C4orf51: variants seen among roughly 807,000 people sequenced by gnomAD.
C4orf51 encodes the protein chromosome 4 open reading frame 51.
In C4orf51, 25 loss-of-function variants were observed where a neutral mutation model predicts 25.2. The ratio of observed to expected loss-of-function variants is 0.99; its 90% confidence interval spans 0.72 to 1.39. C4orf51 has a LOEUF of 1.39. Among genes scored for constraint, C4orf51 ranks in the 40% most tolerant of loss-of-function variants. C4orf51 has a pLI of 0.00. For synonymous variants in C4orf51, 100 were observed against 84.5 expected (o/e 1.18, Z -1.01); for missense variants, 252 against 239.6 (o/e 1.05, Z -0.34).
intron 2 of C4orf51, among the ~76,000 whole-genome samples, chr4:145,702,803 C>T (rs886456516): frequency 6.6e-6 from 1 of 152,124 alleles, no homozygotes; most frequent in South Asian, 2.1e-4. Flanking sequence ...AAAGCCGTAT[C>T]CAGGCCATCA....
Position 145,680,393 on chromosome 4 carries a change from C to T in C4orf51, c.190C>T (p.Gln64Ter). The T allele has an allele frequency of 6.2e-7, 1 of 1,613,916 alleles. No individual in the cohort carries two copies. The highest frequency in any genetic ancestry group is 8.5e-7 in the Non-Finnish European group (1 of 1,179,834). ...KKQLDKSMCS[Q>*]FSFRAGQHEP... ...ACAACTGGACAAGTCCATGTGCAGC[C>T]AATTTTCTTTTAGAGCAGGACAGCA... The change falls in exon 1 of 6, where the codon CAA becomes TAA. Residue 64 changes from glutamine to a stop codon, truncating the protein, a stop_gained. Transcript: ENST00000438731. LOFTEE classifies it high-confidence loss of function.
downstream of C4orf51, chr4:145,775,840 C>T: frequency 6.2e-7 from 1 of 1,614,156 alleles, no homozygotes; most frequent in Non-Finnish European, 8.5e-7. Context: ...GGTGACGGCG[C>T]TGACAATGTC....
At chr4:145,741,004 G>A (rs1733066776) in intron 1 of C4orf51, among the ~76,000 whole-genome samples, 1 of 152,070 alleles carries the variant, frequency 6.6e-6, no homozygotes, top group East Asian at 1.9e-4. Flanking sequence ...CTGTCTCCAC[G>A]GCTGAAGTGG....
At chr4:145,698,982 G>A (rs936050997) in intron 2 of C4orf51, among the ~76,000 whole-genome samples, 10 of 151,694 alleles carry the variant, frequency 6.6e-5, no homozygotes, top group East Asian at 1.9e-4. Flanking sequence ...GTAAATGGCC[G>A]GTCCTTGCCT....
At chr4:145,684,621 T>G (rs1216982007) in intron 1 of C4orf51, among the ~76,000 whole-genome samples, 1 of 152,212 alleles carries the variant, frequency 6.6e-6, no homozygotes, top group Non-Finnish European at 1.5e-5. Flanking sequence ...TTGATGTGTC[T>G]GTGTAGGTTC....
At chr4:145,733,618 A>G (rs1249917889), downstream of C4orf51, among the ~76,000 whole-genome samples, 1 of 152,180 alleles carries the variant, frequency 6.6e-6, no homozygotes, top group African/African-American at 2.4e-5. Context: ...TTGAATAGAA[A>G]ATACAATTAA....
At chr4:145,757,248 T>G (rs1734016102), downstream of C4orf51, among the ~76,000 whole-genome samples, 2 of 152,238 alleles carry the variant, frequency 1.3e-5, no homozygotes, top group African/African-American at 4.8e-5. Context: ...CCAACTTCAT[T>G]AAGATAAATG....
In C4orf51 at chr4:145,707,284, C is replaced by T. The variant is rs552830900; in HGVS notation, c.307+10652C>T. ...ATAAAATCTCTTCTTTATAACCTTCCGTGCCTTTAGAACCTTTGAATTCAA... is the reference window on the plus strand; with the variant it reads ...ATAAAATCTCTTCTTTATAACCTTCTGTGCCTTTAGAACCTTTGAATTCAA... On this transcript the variant is annotated intron_variant, in intron 2 of 5. Coordinates refer to ENST00000438731, the MANE Select transcript of C4orf51 (RefSeq NM_001080531.3). Among the ~76,000 whole-genome samples the T allele has an allele frequency of 2.2e-4, 34 of 152,284 alleles. No homozygotes were observed. The South Asian group carries it at 3.7e-3, about 17-fold the overall frequency.
chr4:145,730,912 T>G (rs555655046), intron 5 of C4orf51, among the ~76,000 whole-genome samples: 3 of 152,340 alleles, frequency 2.0e-5, no homozygotes, highest in Admixed American at 1.3e-4. Flanking sequence ...TTAATGATGC[T>G]CTTCCAAAAA....
At chr4:145,690,022 T>C (rs1289814552) in intron 1 of C4orf51, among the ~76,000 whole-genome samples, 4 of 151,354 alleles carry the variant, frequency 2.6e-5, no homozygotes, top group East Asian at 2.0e-4. Context: ...CTTGCTAACA[T>C]GGTGAAACCC....
chr4:145,778,139 T>C, the C4orf51 span, among the ~76,000 whole-genome samples: 3 of 152,154 alleles, frequency 2.0e-5, no homozygotes, highest in Admixed American at 6.5e-5. Flanking sequence ...AAAAAACTTT[T>C]TGTTTTTTTT....
downstream of C4orf51, among the ~76,000 whole-genome samples, chr4:145,733,731 G>GTCTGATTCCCGGCAACCTTC: frequency 6.6e-6 from 1 of 152,258 alleles, no homozygotes; most frequent in East Asian, 1.9e-4. Flanking sequence ...GAGCCATCTG[G>GTCTGATTCCCGGCAACCTTC]TCTGATTCCC....
chr4:145,764,811 G>A (rs969074135), intron 1 of C4orf51: 1 of 780,750 alleles, frequency 1.3e-6, no homozygotes, highest in Non-Finnish European at 2.1e-6. Flanking sequence ...TGACACCCTA[G>A]GGGGACAGGT....
At chr4:145,718,962 A>G (rs1197433996) in intron 2 of C4orf51, among the ~76,000 whole-genome samples, 4 of 152,196 alleles carry the variant, frequency 2.6e-5, no homozygotes, top group African/African-American at 4.8e-5. Flanking sequence ...CACCTTTAAA[A>G]TAAGTTTTTC....
chr4:145,691,150 C>T (rs995655997), intron 1 of C4orf51, among the ~76,000 whole-genome samples: 1 of 152,090 alleles, frequency 6.6e-6, no homozygotes, highest in Admixed American at 6.6e-5. Context: ...ATAGACACTT[C>T]TCAAGAGAAA....
chr4:145,689,170 T>C (rs1463310178), intron 1 of C4orf51, among the ~76,000 whole-genome samples: 1 of 152,114 alleles, frequency 6.6e-6, no homozygotes. Context: ...AATGAAACCA[T>C]TAGATGACAA....
intron 2 of C4orf51, among the ~76,000 whole-genome samples, chr4:145,721,270 G>C (rs1400327741): frequency 6.6e-6 from 1 of 151,806 alleles, no homozygotes; most frequent in Non-Finnish European, 1.5e-5. Context: ...CCTTGAACCT[G>C]GGAGGTGGAG....
In C4orf51 at chr4:145,696,537, T is replaced by G. The variant is rs1730070982; in HGVS notation, c.234-22T>G. On this transcript the variant is annotated intron_variant, in intron 1 of 5. Transcript: ENST00000438731. Reference sequence around the variant, plus strand: ...ATAAATCCATAAATTTGTAACTTGTTTCTTCTACTTGCTTTCCTTAGGATG... The same window carrying G: ...ATAAATCCATAAATTTGTAACTTGTGTCTTCTACTTGCTTTCCTTAGGATG... The G allele has an allele frequency of 6.9e-6, 11 of 1,592,760 alleles. No individual in the cohort carries two copies. In the East Asian group the frequency reaches 2.5e-4, roughly 36 times the overall value.
chr4:145,738,894 G>A (rs911430749), intron 1 of C4orf51, among the ~76,000 whole-genome samples: 1 of 152,102 alleles, frequency 6.6e-6, no homozygotes, highest in Non-Finnish European at 1.5e-5. Flanking sequence ...GTCCACCTTG[G>A]CCTCCCAAAG....
Sources: gnomAD v4.1 joint callset for allele counts (sites outside exome capture counted in the v4.1 genomes callset) on GRCh38, gnomAD v4.1.1 for gene constraint, MANE v1.5 for transcripts, NCBI Gene and HGNC (gene_info 2026-07-23, HGNC 2026-07-21) for gene names.